The following NR1H3 variants were observed in gnomAD, a reference collection of about 807,000 sequenced individuals.
The protein encoded by NR1H3 is oxysterols receptor LXR-alpha.
A neutral mutation model predicts 48.1 loss-of-function variants in NR1H3; 19 were observed. The ratio of observed to expected loss-of-function variants is 0.40; its 90% CI spans 0.28 to 0.58. The LOEUF (loss-of-function observed/expected upper bound fraction) is 0.58. Ranked by LOEUF, NR1H3 falls within the 20% of genes least tolerant of loss-of-function variation. The pLI, the probability that NR1H3 is intolerant of heterozygous loss-of-function variation, is 0.50. For missense variants in NR1H3, 486 were observed against 595.9 expected (o/e 0.82, Z 1.92); for synonymous variants, 232 against 227.3 (o/e 1.02, Z -0.19).
At chr11:47,262,642 G>A (rs899901780) in intron 7 of NR1H3, among the ~76,000 whole-genome samples, 2 of 152,010 alleles carry the variant, frequency 1.3e-5, no homozygotes, top group Non-Finnish European at 2.9e-5. Context: ...AGCTTCTCAA[G>A]TAGCTGGGAT....
Position 47,261,908 on chromosome 11 carries a change from CT to C in NR1H3, c.889-9del. On this transcript the variant is annotated splice_polypyrimidine_tract_variant and intron_variant, in intron 6 of 9. Transcript: ENST00000441012. ...CCTAGTCCCCGTTTGAGGTTTGCTG[CT>C]TGTGTGCAGGTGATGCTTCTGGAGA... The C allele has an allele frequency of 6.2e-7, 1 of 1,612,840 alleles. No individual in the cohort carries two copies. Among genetic ancestry groups the C allele is most frequent in the Non-Finnish European group, 8.5e-7 (1 of 1,178,878 alleles).
upstream of NR1H3, among the ~76,000 whole-genome samples, chr11:47,254,995 C>G (rs1954956545): frequency 6.6e-6 from 1 of 152,180 alleles, no homozygotes; most frequent in African/African-American, 2.4e-5. Context: ...GAGTTCATAG[C>G]AAAACAGGAA....
At chr11:47,263,437 T>C (rs1956128690) in intron 7 of NR1H3, among the ~76,000 whole-genome samples, 1 of 151,748 alleles carries the variant, frequency 6.6e-6, no homozygotes, top group Non-Finnish European at 1.5e-5. Flanking sequence ...CTAATTTTTA[T>C]ATTTTTTTGT....
chr11:47,249,829 C>T (rs1954476815), intron 1 of NR1H3, among the ~76,000 whole-genome samples: 1 of 152,036 alleles, frequency 6.6e-6, no homozygotes, highest in African/African-American at 2.4e-5. Flanking sequence ...CGCCGTGGCT[C>T]ACCTGTAATA....
Position 47,268,283 on chromosome 11 carries a change from G to C in NR1H3, c.1125G>C (p.Gln375His). 3 of 1,614,090 alleles carry C rather than the reference G, an allele frequency of 1.9e-6. No individual in the cohort carries two copies. The change falls in exon 9 of 10, where the codon CAG (glutamine) becomes CAC (histidine). Residue 375 changes from glutamine to histidine, a missense_variant. Gln to His is a conservative substitution (Grantham distance 24). Transcript: ENST00000441012. The part of the protein sequence containing the change: ...FSADRPNVQD[Q>H]LQVERLQHTY... ...TAGACCGGCCCAACGTGCAGGACCA[G>C]CTCCAGGTAGAGAGGCTGCAGCACA...
At chr11:47,267,310 G>GA (rs1156846357) in intron 7 of NR1H3, among the ~76,000 whole-genome samples, 5 of 151,600 alleles carry the variant, frequency 3.3e-5, no homozygotes, top group South Asian at 2.1e-4. Flanking sequence ...CTGTCTCAAA[G>GA]AAAAAAAACA....
At chr11:47,256,261 G>A (rs1189904462), upstream of NR1H3, among the ~76,000 whole-genome samples, 2 of 151,684 alleles carry the variant, frequency 1.3e-5, no homozygotes, top group African/African-American at 2.4e-5. Flanking sequence ...GGCTGGTCTC[G>A]AACTCCTGAC....
At chr11:47,253,166 G>A (rs935166627), upstream of NR1H3, among the ~76,000 whole-genome samples, 4 of 83,986 alleles carry the variant, frequency 4.8e-5, no homozygotes, top group African/African-American at 1.3e-4. Flanking sequence ...GTGAGGTTTC[G>A]CCATGTTGCC....
At chr11:47,265,051 T>C (rs925391816) in intron 7 of NR1H3, among the ~76,000 whole-genome samples, 17 of 152,054 alleles carry the variant, frequency 1.1e-4, no homozygotes, top group African/African-American at 4.1e-4. Flanking sequence ...CCCAGCACTT[T>C]GGGAGGCCGA....
chr11:47,261,138 A>G, intron 4 of NR1H3, 103 bp from the exon 5 acceptor site: 4 of 817,020 alleles, frequency 4.9e-6, no homozygotes, highest in Non-Finnish European at 7.5e-6. Flanking sequence ...CTGGAGCCCC[A>G]AACCACCCCC....
intron 1 of NR1H3, chr11:47,249,014 C>T (rs1954371837): frequency 1.4e-6 from 2 of 1,472,262 alleles, no homozygotes; most frequent in Admixed American, 2.4e-5. Flanking sequence ...CGCGACCTGG[C>T]GCGGCAGACA....
At chr11:47,260,719 A>G in intron 4 of NR1H3, 44 bp downstream of exon 4, 6 of 1,544,372 alleles carry the variant, frequency 3.9e-6, no homozygotes, top group African/African-American at 1.4e-5. Context: ...GAGGGGAAAG[A>G]GGGGGCCAGG....
Position 47,258,816 on chromosome 11 carries a change from G to C in NR1H3, c.-37-364G>C, listed in dbSNP as rs182092583. ...AGTTCCAGCCTGGGCAACATAGAGA[G>C]ACCCCATCTCAAAAAAAAAATTAAT... On this transcript the variant is annotated intron_variant, in intron 1 of 9. Transcript: ENST00000441012. The C allele has an allele frequency of 2.5e-4, 50 of 201,954 alleles. 1 individual carries two copies. The highest frequency in any genetic ancestry group is 2.3e-3 in the Admixed American group (44 of 19,000). The allele number at this position is 201,954 out of a possible 1,614,324, so 12.5% of individuals were successfully genotyped here.
At chr11:47,251,255 G>T (rs1954630736) in intron 1 of NR1H3, among the ~76,000 whole-genome samples, 1 of 152,166 alleles carries the variant, frequency 6.6e-6, no homozygotes, top group Non-Finnish European at 1.5e-5. Flanking sequence ...ACTGTAATTG[G>T]TGATCCCGAA....
chr11:47,250,672 C>T (rs1247854515), intron 1 of NR1H3: 1 of 152,208 alleles, frequency 6.6e-6, no homozygotes, highest in Non-Finnish European at 1.5e-5. Flanking sequence ...CACATATAAA[C>T]ACACACATGG....
chr11:47,261,338 C>G lies in NR1H3; in HGVS notation c.597C>G (p.Pro199=). The change falls in exon 5 of 10, where the codon CCC becomes CCG. Residue 199 remains proline, a synonymous_variant. Transcript: ENST00000441012. ...CCTTGCCCCCCAGGGCTTCCTCACC[C>G]CCCCAAATCCTGCCCCAGCTCAGCC... The part of the protein sequence containing the change: ...ATSLPPRASS[P]PQILPQLSPE... 6.2e-7 allele frequency: 1 copy of G among 1,614,086 alleles called. No individual in the cohort carries two copies. Among genetic ancestry groups the G allele is most frequent in the Non-Finnish European group, 8.5e-7 (1 of 1,180,000 alleles).
At chr11:47,265,735 G>GGT (rs1460525966) in intron 7 of NR1H3, among the ~76,000 whole-genome samples, 3 of 152,052 alleles carry the variant, frequency 2.0e-5, no homozygotes. Context: ...AGCTGGGCGT[G>GGT]GTGACATGCA....
At chr11:47,266,316 C>A (rs1956460607) in intron 7 of NR1H3, among the ~76,000 whole-genome samples, 1 of 151,384 alleles carries the variant, frequency 6.6e-6, no homozygotes, top group African/African-American at 2.4e-5. Context: ...CAGGTGTGAA[C>A]CACCGTGCCC....
At chr11:47,252,664 C>T (rs1954759518) in intron 1 of NR1H3, among the ~76,000 whole-genome samples, 1 of 151,780 alleles carries the variant, frequency 6.6e-6, no homozygotes, top group Non-Finnish European at 1.5e-5. Context: ...AGCTTCACCT[C>T]CCAGGTTCAC....
Sources: allele counts gnomAD v4.1 joint callset (sites outside exome capture counted in the v4.1 genomes callset), GRCh38; gene constraint gnomAD v4.1.1; transcripts MANE v1.5; gene names NCBI Gene and HGNC (gene_info 2026-07-23, HGNC 2026-07-21).